Variants in ALK observed in about 807,000 individuals in gnomAD.
ALK encodes ALK tyrosine kinase receptor.
A neutral mutation model predicts 163.1 loss-of-function variants in ALK; 74 were observed. That is an observed-to-expected ratio of 0.45 (90% CI 0.38 to 0.55). ALK has a LOEUF of 0.55. Ranked by LOEUF, ALK falls within the 20% of genes least tolerant of loss-of-function variation. The pLI is 0.00. For missense variants in ALK, 2,063 were observed against 2,105.3 expected, an observed-to-expected ratio of 0.98 and a Z score of 0.39; for synonymous variants, 960 against 843.2, an observed-to-expected ratio of 1.14 and a Z score of -2.40.
At chr2:29,420,181 T>C (rs1466519566) in intron 4 of ALK, among the ~76,000 whole-genome samples, 5 of 123,672 alleles carry the variant, frequency 4.0e-5, no homozygotes, top group Non-Finnish European at 7.1e-5. Flanking sequence ...AAAAAAAAGG[T>C]AGGGACCACA....
chr2:29,899,489 C>T (rs1159771055), intron 1 of ALK: 1 of 152,208 alleles, frequency 6.6e-6, no homozygotes, highest in Non-Finnish European at 1.5e-5. Flanking sequence ...GCTGAATTAA[C>T]CTACCCTGGA....
chr2:29,560,358 A>G (rs1203878601), intron 3 of ALK, among the ~76,000 whole-genome samples: 1 of 152,194 alleles, frequency 6.6e-6, no homozygotes, highest in Non-Finnish European at 1.5e-5. Context: ...ACAAAAGACC[A>G]TGTATTTTAT....
intron 4 of ALK, among the ~76,000 whole-genome samples, chr2:29,517,492 C>T (rs77941144): frequency 0.15 from 23,518 of 152,158 alleles, 2,249 homozygotes; most frequent in Non-Finnish European, 0.21. Flanking sequence ...CAGATTTCTT[C>T]AGAAACCAGG....
Position 29,227,480 on chromosome 2 carries a change from T to A in ALK, c.2914+94A>T. The A allele has an allele frequency of 8.9e-7, 1 of 1,124,048 alleles. No individual in the cohort carries two copies. The highest frequency in any genetic ancestry group is 1.4e-6 in the Non-Finnish European group (1 of 732,932). 69.6% of individuals were successfully genotyped at this position (1,124,048 alleles called of 1,614,324 possible). On this transcript the variant is annotated intron_variant, in intron 17 of 28. Coordinates refer to ENST00000389048, the MANE Select transcript of ALK (RefSeq NM_004304.5). This position sits in a 1 kb window ranked among gnomAD's most constrained non-coding sequence, Gnocchi z 4.4. Reference sequence around the variant, plus strand: ...TGCCAGGGACCCATAATTGTGCCTCTGTATCCTGGATACAGGTCAGAGACT... The same window carrying A: ...TGCCAGGGACCCATAATTGTGCCTCAGTATCCTGGATACAGGTCAGAGACT...
At chr2:29,502,798 C>T (rs1220108677) in intron 4 of ALK, among the ~76,000 whole-genome samples, 1 of 152,080 alleles carries the variant, frequency 6.6e-6, no homozygotes, top group Non-Finnish European at 1.5e-5. Flanking sequence ...GGGCTGGGTG[C>T]TGTGTGTACT....
At chr2:29,679,180 T>G (rs1422725283) in intron 3 of ALK, among the ~76,000 whole-genome samples, 1 of 151,868 alleles carries the variant, frequency 6.6e-6, no homozygotes, top group Non-Finnish European at 1.5e-5. Flanking sequence ...CACTCCAGCT[T>G]TCTTTTGGTT....
At chr2:29,287,617 A>G (rs1035552377) in intron 9 of ALK, among the ~76,000 whole-genome samples, 11 of 152,164 alleles carry the variant, frequency 7.2e-5, no homozygotes, top group African/African-American at 2.7e-4. Flanking sequence ...ACAAAAAGTC[A>G]GTAAGGAAAT....
chr2:29,520,589 T>C (rs1672784309), intron 4 of ALK, among the ~76,000 whole-genome samples: 1 of 152,106 alleles, frequency 6.6e-6, no homozygotes, highest in South Asian at 2.1e-4. Flanking sequence ...ACAGAAGGTC[T>C]GGGGTCTCAA....
chr2:29,286,292 G>T (rs1384034515), intron 9 of ALK: 1 of 152,144 alleles, frequency 6.6e-6, no homozygotes. Context: ...CTTGATGGAG[G>T]CTTAATATAT....
intron 3 of ALK, among the ~76,000 whole-genome samples, chr2:29,563,954 C>T (rs1019027060): frequency 4.6e-5 from 7 of 152,180 alleles, no homozygotes; most frequent in Admixed American, 4.6e-4. Context: ...TCACCTGCCA[C>T]CTCCTAACCT....
chr2:29,341,147 G>A (rs902438622), intron 5 of ALK, among the ~76,000 whole-genome samples: 8 of 152,252 alleles, frequency 5.3e-5, no homozygotes, highest in African/African-American at 1.9e-4. Context: ...TATAAAATTA[G>A]TATTTCAGAG....
chr2:29,476,946 A>G (rs2148115189), intron 4 of ALK, among the ~76,000 whole-genome samples: 1 of 152,228 alleles, frequency 6.6e-6, no homozygotes, highest in East Asian at 1.9e-4. Flanking sequence ...ATTCAAGGAG[A>G]TCACCATGCA....
At chr2:29,701,351 T>C (rs1301615386) in intron 2 of ALK, among the ~76,000 whole-genome samples, 5 of 152,090 alleles carry the variant, frequency 3.3e-5, no homozygotes, top group Non-Finnish European at 5.9e-5. Flanking sequence ...AGACATCCCC[T>C]CCAACATTGC....
chr2:29,361,860 C>T lies in ALK; in HGVS notation c.1282+21872G>A, dbSNP rs185352765. ...GACTGAAGGCTTAACTTGGTTTATG[C>T]CCCATTTGAAAGCTGTCACCATTCC... On this transcript the variant is annotated intron_variant, in intron 5 of 28. Coordinates refer to ENST00000389048, the MANE Select transcript of ALK (RefSeq NM_004304.5). Among the ~76,000 whole-genome samples, 4 of 152,278 alleles carry T rather than the reference C, an allele frequency of 2.6e-5. 1 individual carries two copies. In the East Asian group the frequency reaches 7.7e-4, roughly 29 times the overall value.
rs1018909944 is a variant in ALK at position 29,531,803 on chromosome 2, G to A, written c.1154+112C>T. On this transcript the variant is annotated intron_variant, in intron 4 of 28. Coordinates refer to ENST00000389048, the MANE Select transcript of ALK (RefSeq NM_004304.5). ...AGTAATTGCTCAACCTGGACCTACC[G>A]ATTAAAGGACAATCATGAGTTTGTA... 55 of 1,139,920 alleles carry A rather than the reference G, an allele frequency of 4.8e-5. No homozygotes were observed. The Admixed American group carries it at 7.2e-4, about 15-fold the overall frequency. The allele number at this position is 1,139,920 out of a possible 1,614,324, so 70.6% of individuals were successfully genotyped here. A position where few individuals can be genotyped will look rare whatever the true frequency, so the allele number is the denominator to read the frequency against.
chr2:29,707,337 C>T (rs112880022), intron 2 of ALK, among the ~76,000 whole-genome samples: 8,391 of 152,046 alleles, frequency 0.055, 766 homozygotes, highest in African/African-American at 0.19. Context: ...CAGGAAGGTA[C>T]CAGACTGCCC....
chr2:29,555,509 G>C (rs1202730920), intron 3 of ALK, among the ~76,000 whole-genome samples: 3 of 152,150 alleles, frequency 2.0e-5, no homozygotes, highest in Admixed American at 6.5e-5. Flanking sequence ...TATTTGCTCT[G>C]TCCATTTCTG....
intron 3 of ALK, among the ~76,000 whole-genome samples, chr2:29,608,605 G>A (rs535792511): frequency 4.6e-5 from 7 of 152,292 alleles, no homozygotes; most frequent in African/African-American, 7.2e-5. Flanking sequence ...TGCTGTCATG[G>A]AGATTTTCAG....
intron 8 of ALK, among the ~76,000 whole-genome samples, chr2:29,311,940 C>T (rs1666708753): frequency 1.3e-5 from 2 of 152,092 alleles, no homozygotes; most frequent in Non-Finnish European, 1.5e-5. Flanking sequence ...AGCTCCCATG[C>T]CCATGCTGGC....
Sources: gnomAD v4.1 joint callset for allele counts (sites outside exome capture counted in the v4.1 genomes callset) on GRCh38, gnomAD v4.1.1 for gene constraint, Gnocchi (gnomAD v3.1) non-coding constraint, MANE v1.5 for transcripts, NCBI Gene and HGNC (gene_info 2026-07-23, HGNC 2026-07-21) for gene names.